Variants in CDK5RAP2 observed in about 807,000 individuals in gnomAD.
CDK5RAP2 encodes CDK5 regulatory subunit associated protein 2.
CDK5RAP2 carries 147 observed loss-of-function variants against 232.9 expected under a neutral mutation model. The ratio of observed to expected loss-of-function variants is 0.63; its 90% CI spans 0.55 to 0.72. CDK5RAP2 has a LOEUF of 0.72. Among genes scored for constraint, CDK5RAP2 ranks in the 30% least tolerant of loss-of-function variants. The probability of loss-of-function intolerance (pLI) is 0.00; values close to 1 mark genes in which losing one functional copy is unlikely to be tolerated. For missense variants in CDK5RAP2, 2,195 were observed against 2,231.5 expected (o/e 0.98, Z 0.33); for synonymous variants, 833 against 833.7 (o/e 1.00, Z 0.01).
At chr9:120,466,511 C>A (rs2037387344) in intron 18 of CDK5RAP2, among the ~76,000 whole-genome samples, 1 of 152,106 alleles carries the variant, frequency 6.6e-6, no homozygotes, top group African/African-American at 2.4e-5. Context: ...AGGAAAAATC[C>A]TTTTTCTCCA....
intron 5 of CDK5RAP2, among the ~76,000 whole-genome samples, chr9:120,540,970 C>T (rs1302872369): frequency 5.9e-5 from 9 of 152,250 alleles, no homozygotes; most frequent in African/African-American, 1.4e-4. Context: ...TGCCATCACC[C>T]CCCACTCCCG....
intron 25 of CDK5RAP2, among the ~76,000 whole-genome samples, chr9:120,433,837 C>A (rs1356186601): frequency 6.6e-6 from 1 of 152,194 alleles, no homozygotes; most frequent in Non-Finnish European, 1.5e-5. Context: ...TCTCACTGGG[C>A]CACACTCTCC....
Position 120,470,207 on chromosome 9 carries a change from T to C in CDK5RAP2, c.1872A>G (p.Ser624=). 6.5e-7 allele frequency: 1 copy of C among 1,544,436 alleles called. No homozygotes were observed. The highest frequency in any genetic ancestry group is 8.8e-7 in the Non-Finnish European group (1 of 1,130,012). ...EIRRREEESF[S]LYSDQTSYLS... ...GATAAGATGTTTGATCACTATAAAG[T>C]GAAAATGATTCTTCTGCCCAAAAAA... is the stretch of plus-strand genomic sequence containing the variant. Residue 624 remains serine (S), a synonymous_variant, in exon 17 of 38, where the codon TCA becomes TCG. Coordinates refer to ENST00000349780, the MANE Select transcript of CDK5RAP2 (RefSeq NM_018249.6).
At chr9:120,503,081 A>C (rs561299884) in intron 12 of CDK5RAP2, among the ~76,000 whole-genome samples, 163 of 152,212 alleles carry the variant, frequency 1.1e-3, no homozygotes, top group Non-Finnish European at 2.0e-3. Flanking sequence ...AACCCCAGTC[A>C]GTGTGACCCC....
At chr9:120,548,883 G>A (rs895413498) in intron 4 of CDK5RAP2, among the ~76,000 whole-genome samples, 3 of 152,164 alleles carry the variant, frequency 2.0e-5, no homozygotes, top group Admixed American at 6.5e-5. Flanking sequence ...AAGGCGAGGC[G>A]CAGTGCCTCA....
intron 15 of CDK5RAP2, among the ~76,000 whole-genome samples, chr9:120,477,069 C>G (rs1212956883): frequency 1.3e-5 from 2 of 152,178 alleles, no homozygotes; most frequent in East Asian, 3.8e-4. Context: ...GAAGCACTTT[C>G]TAAATATATA....
At chr9:120,481,520 T>C (rs1409454661) in intron 14 of CDK5RAP2, among the ~76,000 whole-genome samples, 1 of 147,664 alleles carries the variant, frequency 6.8e-6, no homozygotes, top group East Asian at 1.9e-4. Context: ...TTTTTTTCTT[T>C]TTTTTTTTTT....
chr9:120,453,005 T>G (rs187119429), intron 21 of CDK5RAP2, among the ~76,000 whole-genome samples: 1 of 152,192 alleles, frequency 6.6e-6, no homozygotes, highest in Non-Finnish European at 1.5e-5. Flanking sequence ...GTTATGACAA[T>G]TTGACTGCAA....
In CDK5RAP2 at chr9:120,547,215, C is replaced by T. The variant is rs933609793; in HGVS notation, c.307-1425G>A. ...ACGTTGGCCAGGCTGGTCTTGAACTCCTGACCTCAAGTGATCCGCCTGCCT... is the reference window on the plus strand; with the variant it reads ...ACGTTGGCCAGGCTGGTCTTGAACTTCTGACCTCAAGTGATCCGCCTGCCT... On this transcript the variant is annotated intron_variant, in intron 4 of 37. Transcript: ENST00000349780. Among the ~76,000 whole-genome samples the T allele has an allele frequency of 8.6e-5, 13 of 151,788 alleles. No homozygotes were observed. In the East Asian group the frequency reaches 1.8e-3, roughly 21 times the overall value.
intron 18 of CDK5RAP2, among the ~76,000 whole-genome samples, chr9:120,461,111 T>C (rs1323366841): frequency 6.6e-6 from 1 of 152,270 alleles, no homozygotes; most frequent in Non-Finnish European, 1.5e-5. Flanking sequence ...AAATTTATGG[T>C]GTGCCCAATT....
intron 1 of CDK5RAP2, among the ~76,000 whole-genome samples, chr9:120,576,545 T>C (rs1020621317): frequency 3.3e-5 from 5 of 152,164 alleles, no homozygotes; most frequent in Non-Finnish European, 4.4e-5. Context: ...CTACTAAAAA[T>C]ATAAAAATTA....
At chr9:120,417,963 G>A (rs2034335601) in intron 27 of CDK5RAP2, among the ~76,000 whole-genome samples, 1 of 152,176 alleles carries the variant, frequency 6.6e-6, no homozygotes, top group Non-Finnish European at 1.5e-5. Context: ...GGAACAGAAG[G>A]AAAACTGCAA....
intron 12 of CDK5RAP2, 123 bp downstream of exon 12, chr9:120,518,304 A>T: frequency 1.3e-6 from 1 of 770,682 alleles, no homozygotes; most frequent in Non-Finnish European, 2.2e-6. Context: ...ATTTCTAGGT[A>T]CTGAGATAAT....
In CDK5RAP2 at chr9:120,458,638, T is replaced by C; in HGVS notation, c.2203-16A>G. On this transcript the variant is annotated splice_polypyrimidine_tract_variant and intron_variant, in intron 19 of 37. Transcript: ENST00000349780. ...CTTTCATAATCTGCAAATAAAAGTA[T>C]TTGGTCAAATAATGGAATAAGGAGG... 6.2e-7 allele frequency: 1 copy of C among 1,612,984 alleles called. No homozygotes were observed. The highest frequency in any genetic ancestry group is 8.5e-7 in the Non-Finnish European group (1 of 1,178,994).
At chr9:120,389,894 T>C in intron 36 of CDK5RAP2, 107 bp from the exon 37 acceptor site, 1 of 976,520 alleles carries the variant, frequency 1.0e-6, no homozygotes, top group South Asian at 1.3e-5. Flanking sequence ...GGCTCGGACA[T>C]GTAGACAACA....
intron 6 of CDK5RAP2, 136 bp from the exon 7 acceptor site, chr9:120,536,662 G>C: frequency 1.2e-6 from 1 of 857,504 alleles, no homozygotes; most frequent in South Asian, 1.4e-5. Flanking sequence ...TACTATACAT[G>C]GAGAGAATCA....
At chr9:120,474,417 C>T (rs1032349333) in intron 15 of CDK5RAP2, among the ~76,000 whole-genome samples, 1 of 152,082 alleles carries the variant, frequency 6.6e-6, no homozygotes, top group African/African-American at 2.4e-5. Flanking sequence ...TCAGGTGTGC[C>T]GACCCTCCCA....
At chr9:120,409,640 G>A (rs1156933581) in intron 29 of CDK5RAP2, among the ~76,000 whole-genome samples, 1 of 152,276 alleles carries the variant, frequency 6.6e-6, no homozygotes, top group African/African-American at 2.4e-5. Context: ...TCTGGGAATG[G>A]GTGCTGGCCT....
intron 4 of CDK5RAP2, among the ~76,000 whole-genome samples, chr9:120,550,330 G>A (rs2042001147): frequency 6.6e-6 from 1 of 152,188 alleles, no homozygotes; most frequent in Non-Finnish European, 1.5e-5. Flanking sequence ...CACTGACTGT[G>A]TGCTGGAGCT....
Sources: allele counts gnomAD v4.1 joint callset (sites outside exome capture counted in the v4.1 genomes callset), GRCh38; gene constraint gnomAD v4.1.1; transcripts MANE v1.5; gene names NCBI Gene and HGNC (gene_info 2026-07-23, HGNC 2026-07-21).